The following TXNRD2 variants were observed in gnomAD, a reference collection of about 807,000 sequenced individuals.
TXNRD2 encodes the protein thioredoxin reductase 2, mitochondrial.
Under a neutral mutation model 70.8 loss-of-function variants are expected in TXNRD2, and 67 were observed. The ratio of observed to expected loss-of-function variants is 0.95; its 90% CI spans 0.78 to 1.16. The LOEUF (loss-of-function observed/expected upper bound fraction) is 1.16, where lower values mean the gene tolerates loss of function less well. Among genes scored for constraint, TXNRD2 ranks in the 50% most tolerant of loss-of-function variants. The pLI is 0.00. For synonymous variants in TXNRD2, 301 were observed against 295.8 expected, an observed-to-expected ratio of 1.02 and a Z score of -0.18; for missense variants, 644 against 719.9, an observed-to-expected ratio of 0.89 and a Z score of 1.21.
intron 2 of TXNRD2, among the ~76,000 whole-genome samples, chr22:19,929,129 C>A (rs1941264359): frequency 6.6e-6 from 1 of 151,660 alleles, no homozygotes; most frequent in Non-Finnish European, 1.5e-5. Flanking sequence ...AGATTGAGAC[C>A]ATCCTGGTTA....
At chr22:19,925,285 AAAAAC>A (rs1225253101) in intron 2 of TXNRD2, among the ~76,000 whole-genome samples, 1 of 151,888 alleles carries the variant, frequency 6.6e-6, no homozygotes, top group East Asian at 1.9e-4. Flanking sequence ...CTCCATCTCA[AAAAAC>A]AAAACAAAAC....
intron 11 of TXNRD2, among the ~76,000 whole-genome samples, chr22:19,887,101 C>T (rs1478271668): frequency 2.6e-5 from 4 of 152,244 alleles, no homozygotes; most frequent in African/African-American, 9.6e-5. Context: ...TGTTTATGAA[C>T]TGTATTTCCT....
chr22:19,879,283 G>C (rs1938647187), intron 14 of TXNRD2, among the ~76,000 whole-genome samples: 1 of 152,170 alleles, frequency 6.6e-6, no homozygotes, highest in East Asian at 1.9e-4. Context: ...AAGGCCGCAG[G>C]CCCCACCGCC....
intron 2 of TXNRD2, among the ~76,000 whole-genome samples, chr22:19,930,045 G>C (rs575003212): frequency 6.6e-6 from 1 of 152,272 alleles, no homozygotes; most frequent in East Asian, 1.9e-4. Flanking sequence ...ACAGCACTAG[G>C]CCTCGTGGCT....
At chr22:19,912,699 C>T (rs1291423961) in intron 7 of TXNRD2, among the ~76,000 whole-genome samples, 1 of 151,958 alleles carries the variant, frequency 6.6e-6, no homozygotes, top group Non-Finnish European at 1.5e-5. Flanking sequence ...TACAAAGTCA[C>T]GCAGCCCTGA....
intron 16 of TXNRD2, 57 bp from the exon 17 acceptor site, chr22:19,877,291 G>A: frequency 1.3e-6 from 2 of 1,484,030 alleles, no homozygotes; most frequent in Non-Finnish European, 1.9e-6. Flanking sequence ...GGGGTCCACA[G>A]CATCCCACCC....
chr22:19,891,848 C>T (rs1054767001), intron 11 of TXNRD2: 3 of 152,288 alleles, frequency 2.0e-5, no homozygotes, highest in African/African-American at 7.2e-5. Flanking sequence ...TATGTTTAAT[C>T]CACCACGTGG....
At chr22:19,937,719 T>G (rs981102675) in intron 1 of TXNRD2, among the ~76,000 whole-genome samples, 3 of 152,160 alleles carry the variant, frequency 2.0e-5, no homozygotes, top group Admixed American at 6.5e-5. Context: ...TGTTAAAAAC[T>G]TAAAAGCGGC....
intron 2 of TXNRD2, among the ~76,000 whole-genome samples, chr22:19,929,070 G>A (rs1166874426): frequency 6.6e-6 from 1 of 151,444 alleles, no homozygotes; most frequent in Non-Finnish European, 1.5e-5. Context: ...GCTCACGCCT[G>A]TAATCCCAGC....
In TXNRD2 at chr22:19,898,122, G is replaced by A. The variant is rs1390580024; in HGVS notation, c.691C>T (p.Leu231=). The A allele has an allele frequency of 6.4e-7, 1 of 1,561,996 alleles. No individual in the cohort carries two copies. The highest frequency in any genetic ancestry group is 2.4e-5 in the East Asian group (1 of 41,574). The change falls in exon 10 of 18, where the codon CTG becomes TTG. Residue 231 remains leucine, a synonymous_variant. Transcript: ENST00000400521. ...CCGGTGAGGAAGCCAGCACACTCCA[G>A]GGCCACATCTGTGGGGTGCCAGCTA... ...TLVVGASYVA[L]ECAGFLTGIG...
At chr22:19,892,589 C>T (rs540540322) in intron 11 of TXNRD2, among the ~76,000 whole-genome samples, 22 of 152,386 alleles carry the variant, frequency 1.4e-4, no homozygotes, top group East Asian at 5.8e-4. Context: ...GCTGACGCCC[C>T]GGCTTTCCGG....
chr22:19,913,416 G>A (rs1416227564), intron 7 of TXNRD2, among the ~76,000 whole-genome samples: 2 of 151,812 alleles, frequency 1.3e-5, no homozygotes, highest in South Asian at 2.1e-4. Context: ...CTCAGCTGGG[G>A]TCTTTCAAAG....
intron 2 of TXNRD2, among the ~76,000 whole-genome samples, chr22:19,929,734 C>T (rs895647191): frequency 4.6e-5 from 7 of 152,162 alleles, no homozygotes; most frequent in African/African-American, 9.7e-5. Flanking sequence ...CTGTTTATTA[C>T]GGCAGCCCTG....
intron 2 of TXNRD2, 143 bp downstream of exon 2, chr22:19,930,887 A>C: frequency 2.7e-6 from 2 of 741,432 alleles, no homozygotes; most frequent in Non-Finnish European, 2.4e-6. Flanking sequence ...GTGGCAGGGA[A>C]CAAGCCACAA....
rs777790088 is a variant in TXNRD2, at chr22:19,919,516, AC to A, written c.229+26del. ...CACCTCCCACCTCCTTCCCCAGGAC[AC>A]CCGGCTCCCATAGGGTGCTGCCTAC... is the stretch of plus-strand genomic sequence containing the variant. On this transcript the variant is annotated intron_variant, in intron 3 of 17. Transcript: ENST00000400521. The A allele has an allele frequency of 1.1e-5, 17 of 1,553,196 alleles. No homozygotes were observed. The South Asian group carries it at 1.9e-4, about 17-fold the overall frequency.
At position 19,938,961 on chromosome 22, in the gene TXNRD2, C is replaced by A. The variant is rs995376587; in HGVS notation, c.103+2740G>T. Among the ~76,000 whole-genome samples, 11 of 152,130 alleles carry A rather than the reference C, an allele frequency of 7.2e-5. 1 individual carries two copies. The highest frequency in any genetic ancestry group is 2.6e-4 in the Admixed American group (4 of 15,272). ...ACAATACTCTGACTGCAGCTAAATG[C>A]CATTATACAGGCAAAAAATTCTCCC... On this transcript the variant is annotated intron_variant, in intron 1 of 17. Transcript: ENST00000400521.
intron 7 of TXNRD2, among the ~76,000 whole-genome samples, chr22:19,913,448 G>C (rs1052267084): frequency 6.6e-6 from 1 of 152,166 alleles, no homozygotes; most frequent in Non-Finnish European, 1.5e-5. Flanking sequence ...AGAAGAGTCA[G>C]AGTCAGCAAC....
At chr22:19,911,736 G>A (rs1196034915) in intron 7 of TXNRD2, among the ~76,000 whole-genome samples, 2 of 152,172 alleles carry the variant, frequency 1.3e-5, no homozygotes, top group East Asian at 1.9e-4. Context: ...CAGGATACAG[G>A]GCCTGAGGTG....
At chr22:19,908,415 G>C (rs1267117714) in intron 8 of TXNRD2, among the ~76,000 whole-genome samples, 1 of 152,058 alleles carries the variant, frequency 6.6e-6, no homozygotes, top group Non-Finnish European at 1.5e-5. Flanking sequence ...CACTAGGATG[G>C]CCACTGTCAA....
Sources: allele counts gnomAD v4.1 joint callset (sites outside exome capture counted in the v4.1 genomes callset), GRCh38; gene constraint gnomAD v4.1.1; transcripts MANE v1.5; gene names NCBI Gene and HGNC (gene_info 2026-07-23, HGNC 2026-07-21).